B3GLCT: variants seen among roughly 807,000 people sequenced by gnomAD.
B3GLCT encodes the protein beta 3-glucosyltransferase, also known as beta-1,3-glucosyltransferase.
Under a neutral mutation model 63.4 loss-of-function variants are expected in B3GLCT, and 65 were observed. The ratio of observed to expected loss-of-function variants is 1.03; its 90% CI spans 0.84 to 1.26. The LOEUF (loss-of-function observed/expected upper bound fraction) is 1.26. B3GLCT is among the 50% of genes most tolerant of loss of function. The pLI, the probability that B3GLCT is intolerant of heterozygous loss-of-function variation, is 0.00. For missense variants in B3GLCT, 577 were observed against 604.8 expected, an observed-to-expected ratio of 0.95 and a Z score of 0.48; for synonymous variants, 233 against 219.2, an observed-to-expected ratio of 1.06 and a Z score of -0.55.
At chr13:31,222,605 A>G (rs1555726) in intron 2 of B3GLCT, among the ~76,000 whole-genome samples, 124,251 of 152,180 alleles carry the variant, frequency 0.82, 52,352 homozygotes, top group Middle Eastern at 0.93. Flanking sequence ...TTTATGGTTT[A>G]CAGGGCTTTA....
chr13:31,269,323 C>A lies in B3GLCT; in HGVS notation c.660+46C>A. On this transcript the variant is annotated intron_variant, in intron 8 of 14. Transcript: ENST00000343307. ...TTAAAAATCTTACTAATCAAGAATT[C>A]ATGTCCTTTGATGTAAAAGGTATTT... 2.9e-6 allele frequency: 4 copies of A among 1,392,948 alleles called. No individual in the cohort carries two copies. In the South Asian group the frequency reaches 3.5e-5, roughly 12 times the overall value. The allele number at this position is 1,392,948 out of a possible 1,614,324, so 86.3% of individuals were successfully genotyped here.
intron 12 of B3GLCT, among the ~76,000 whole-genome samples, chr13:31,302,134 C>T (rs1296541677): frequency 2.6e-5 from 4 of 152,174 alleles, no homozygotes; most frequent in Non-Finnish European, 5.9e-5. Context: ...ATCTGTAAGA[C>T]CTCAAGGTAA....
At chr13:31,263,314 T>G (rs929814061) in intron 7 of B3GLCT, among the ~76,000 whole-genome samples, 2 of 152,220 alleles carry the variant, frequency 1.3e-5, no homozygotes, top group Non-Finnish European at 2.9e-5. Flanking sequence ...TAGAAGTAAC[T>G]ATTTATTCTT....
intron 4 of B3GLCT, among the ~76,000 whole-genome samples, chr13:31,241,818 AAG>A (rs1870955479): frequency 6.6e-6 from 1 of 152,190 alleles, no homozygotes; most frequent in African/African-American, 2.4e-5. Flanking sequence ...GGATGAAGAA[AAG>A]AGGATGAGCT....
At chr13:31,220,942 A>G (rs867577949) in intron 2 of B3GLCT, among the ~76,000 whole-genome samples, 2 of 152,178 alleles carry the variant, frequency 1.3e-5, no homozygotes, top group Middle Eastern at 3.4e-3. Context: ...TTTCTATATT[A>G]TTTTTTAGCT....
intron 12 of B3GLCT, among the ~76,000 whole-genome samples, chr13:31,306,364 C>T: frequency 6.1e-5 from 1 of 16,514 alleles, no homozygotes; most frequent in African/African-American, 1.4e-4. Context: ...AAAGGGTATT[C>T]AATTAGGAAA....
At chr13:31,273,502 AATTTT>A (rs74721931) in intron 8 of B3GLCT, among the ~76,000 whole-genome samples, 33,141 of 152,006 alleles carry the variant, frequency 0.22, 3,601 homozygotes, top group East Asian at 0.24. Context: ...TAAGCATAGT[AATTTT>A]ATAATCTGTT....
intron 1 of B3GLCT, among the ~76,000 whole-genome samples, chr13:31,205,139 A>G (rs1167178023): frequency 6.6e-6 from 1 of 151,878 alleles, no homozygotes. Context: ...GCCAGGTACC[A>G]TGTTAGGTGA....
Position 31,200,122 on chromosome 13 carries a change from C to T in B3GLCT, c.38C>T (p.Pro13Leu), listed in dbSNP as rs1258399009. ...PPACWWLLAP[P>L]ALLALLTCSL... ...GCCTGCTGGTGGCTGCTCGCGCCGC[C>T]GGCGCTGCTCGCGCTCCTCACCTGC... is the stretch of plus-strand genomic sequence containing the variant. Residue 13 changes from proline to leucine, a missense_variant, in exon 1 of 15, where the codon CCG (proline) becomes CTG (leucine). Pro to Leu is a moderately conservative substitution (Grantham distance 98). Coordinates refer to ENST00000343307, the MANE Select transcript of B3GLCT (RefSeq NM_194318.4). 7.3e-7 allele frequency: 1 copy of T among 1,375,000 alleles called. No homozygotes were observed. Among genetic ancestry groups the T allele is most frequent in the African/African-American group, 1.5e-5 (1 of 65,938 alleles). The allele number at this position is 1,375,000 out of a possible 1,614,324, so 85.2% of individuals were successfully genotyped here.
At chr13:31,215,141 A>T in intron 2 of B3GLCT, 41 bp downstream of exon 2, 1 of 1,540,168 alleles carries the variant, frequency 6.5e-7, no homozygotes, top group Non-Finnish European at 9.0e-7. Flanking sequence ...CCCTTCTAAG[A>T]TTCATTTGTA....
chr13:31,252,490 C>A (rs1871479168), intron 6 of B3GLCT, among the ~76,000 whole-genome samples: 1 of 152,014 alleles, frequency 6.6e-6, no homozygotes, highest in Non-Finnish European at 1.5e-5. Flanking sequence ...TGTGCAAAGA[C>A]ACACATAGGC....
At chr13:31,204,793 T>A (rs562147751) in intron 1 of B3GLCT, among the ~76,000 whole-genome samples, 32 of 152,024 alleles carry the variant, frequency 2.1e-4, no homozygotes, top group African/African-American at 7.5e-4. Flanking sequence ...TGATTAATAA[T>A]CTCTCAGACT....
Position 31,298,984 on chromosome 13 carries a change from C to T in B3GLCT, c.1064+12165C>T, listed in dbSNP as rs181101202. On this transcript the variant is annotated intron_variant, in intron 12 of 14. Coordinates refer to ENST00000343307, the MANE Select transcript of B3GLCT (RefSeq NM_194318.4). ...TGCAGGCCTGGTCCTAGGGCCACTA[C>T]GTCAAGTAGGAGGGAAAGAAAAGGT... 1.3e-3 allele frequency among the ~76,000 whole-genome samples: 191 copies of T among 152,270 alleles called. 1 individual carries two copies. The East Asian group carries it at 0.029, about 23-fold the overall frequency.
chr13:31,207,440 T>G (rs1001163343), intron 1 of B3GLCT, among the ~76,000 whole-genome samples: 1 of 152,190 alleles, frequency 6.6e-6, no homozygotes, highest in African/African-American at 2.4e-5. Flanking sequence ...CAAGACTGTT[T>G]TGAGTTGCAA....
intron 12 of B3GLCT, among the ~76,000 whole-genome samples, chr13:31,287,078 A>G (rs1171961989): frequency 6.6e-6 from 1 of 152,220 alleles, no homozygotes; most frequent in East Asian, 1.9e-4. Context: ...TGACTGCCTT[A>G]AGAGAATTCC....
chr13:31,246,769 G>A (rs1871208960), intron 4 of B3GLCT, among the ~76,000 whole-genome samples: 1 of 152,064 alleles, frequency 6.6e-6, no homozygotes, highest in Non-Finnish European at 1.5e-5. Flanking sequence ...GCTCTATTTG[G>A]GTGTGTGGGT....
At chr13:31,311,012 G>A (rs1190061324) in intron 12 of B3GLCT, among the ~76,000 whole-genome samples, 1 of 152,188 alleles carries the variant, frequency 6.6e-6, no homozygotes. Context: ...GCTGAGTGAG[G>A]CCCCGGCCAG....
At chr13:31,317,888 G>T (rs1875135029) in intron 13 of B3GLCT, among the ~76,000 whole-genome samples, 1 of 101,906 alleles carries the variant, frequency 9.8e-6, no homozygotes, top group Non-Finnish European at 2.2e-5. Flanking sequence ...TTGAAGAAAT[G>T]ATATAAAAAA....
intron 8 of B3GLCT, 64 bp from the exon 9 acceptor site, chr13:31,274,445 G>A (rs990709085): frequency 1.4e-5 from 22 of 1,604,154 alleles, no homozygotes; most frequent in Non-Finnish European, 1.8e-5. Flanking sequence ...GAGATATTTT[G>A]TCCCTTCTTA....
Sources: gnomAD v4.1 joint callset for allele counts (sites outside exome capture counted in the v4.1 genomes callset) on GRCh38, gnomAD v4.1.1 for gene constraint, MANE v1.5 for transcripts, NCBI Gene and HGNC (gene_info 2026-07-23, HGNC 2026-07-21) for gene names.